Variants in PSD3 observed in about 807,000 individuals in gnomAD.
The protein encoded by PSD3 is PH and SEC7 domain-containing protein 3.
A neutral mutation model predicts 105.5 loss-of-function variants in PSD3; 49 were observed. The ratio of observed to expected loss-of-function variants is 0.46; its 90% CI spans 0.37 to 0.59. PSD3 has a LOEUF of 0.59. PSD3 is among the 20% of genes least tolerant of loss of function. PSD3 has a pLI of 0.00. For missense variants in PSD3, 1,561 were observed against 1,263.8 expected (o/e 1.24, Z -3.57); for synonymous variants, 557 against 457.8 (o/e 1.22, Z -2.77).
At chr8:18,847,123 C>A (rs924991035) in intron 4 of PSD3, among the ~76,000 whole-genome samples, 1 of 152,130 alleles carries the variant, frequency 6.6e-6, no homozygotes, top group African/African-American at 2.4e-5. Context: ...GCTGCTGAGG[C>A]GCACACTTCT....
chr8:18,739,832 G>T (rs560716877), intron 9 of PSD3, among the ~76,000 whole-genome samples: 25 of 152,158 alleles, frequency 1.6e-4, no homozygotes, highest in African/African-American at 5.8e-4. Flanking sequence ...TGGCTTTCTG[G>T]CTAAGATCAA....
chr8:18,551,356 C>T (rs1264605159), intron 15 of PSD3, among the ~76,000 whole-genome samples: 1 of 152,180 alleles, frequency 6.6e-6, no homozygotes, highest in Admixed American at 6.5e-5. Context: ...TTTATATTAT[C>T]TGTGCTTCCA....
At chr8:19,066,014 T>A (rs764366624) in intron 1 of PSD3, among the ~76,000 whole-genome samples, 1 of 152,242 alleles carries the variant, frequency 6.6e-6, no homozygotes, top group Non-Finnish European at 1.5e-5. Context: ...GGGAAATGGG[T>A]TTGAATACCA....
chr8:18,772,974 C>A (rs1807685799), intron 8 of PSD3, among the ~76,000 whole-genome samples: 1 of 152,134 alleles, frequency 6.6e-6, no homozygotes, highest in Non-Finnish European at 1.5e-5. Context: ...TTATTCTATT[C>A]TGTAGGTTGC....
At chr8:18,698,287 T>A (rs949677607) in intron 9 of PSD3, among the ~76,000 whole-genome samples, 29 of 152,138 alleles carry the variant, frequency 1.9e-4, no homozygotes, top group African/African-American at 3.9e-4. Flanking sequence ...TTTAATTTTT[T>A]AAAAAAATTT....
intron 2 of PSD3, among the ~76,000 whole-genome samples, chr8:18,926,207 T>C (rs1165555523): frequency 4.0e-5 from 6 of 151,842 alleles, no homozygotes; most frequent in Non-Finnish European, 8.8e-5. Context: ...GGAATGAGGG[T>C]GATGCCACAC....
chr8:18,693,216 A>G (rs1201053107), intron 9 of PSD3, among the ~76,000 whole-genome samples: 1 of 152,168 alleles, frequency 6.6e-6, no homozygotes, highest in African/African-American at 2.4e-5. Flanking sequence ...CCAGCTTGAC[A>G]CATACGACCT....
At chr8:18,608,988 CT>C (rs950764399) in intron 11 of PSD3, among the ~76,000 whole-genome samples, 1 of 152,102 alleles carries the variant, frequency 6.6e-6, no homozygotes, top group East Asian at 1.9e-4. Context: ...CCCTGATCAT[CT>C]TTTTTTTCCT....
In PSD3 at chr8:18,936,439, ATTAAC is replaced by A. The variant is rs562509975; in HGVS notation, c.22-302_22-298del. ...CTGAATTATGGTCGGTTTTTAAAAAATTAACTTAATGTAACTTTTCTGCAATTAGA... is the reference window on the plus strand; with the variant it reads ...CTGAATTATGGTCGGTTTTTAAAAAATTAATGTAACTTTTCTGCAATTAGA... On this transcript the variant is annotated intron_variant, in intron 1 of 15. Coordinates refer to ENST00000327040, the MANE Select transcript of PSD3 (RefSeq NM_015310.4). 2.8e-3 allele frequency among the ~76,000 whole-genome samples: 434 copies of A among 152,362 alleles called. 1 individual carries two copies. Among genetic ancestry groups the A allele is most frequent in the Non-Finnish European group, 5.1e-3 (347 of 68,040 alleles).
chr8:18,716,107 T>C (rs1802572871), intron 9 of PSD3, among the ~76,000 whole-genome samples: 1 of 152,160 alleles, frequency 6.6e-6, no homozygotes. Flanking sequence ...GGTCAGGCCA[T>C]GAGTGCAGAG....
At chr8:18,857,646 G>A (rs540215118) in intron 4 of PSD3, among the ~76,000 whole-genome samples, 3 of 152,156 alleles carry the variant, frequency 2.0e-5, no homozygotes, top group Admixed American at 6.5e-5. Flanking sequence ...ATGGACCACC[G>A]TTGTAGACCA....
chr8:18,710,060 G>A lies in PSD3; in HGVS notation c.2173-54375C>T, dbSNP rs200975015. Among the ~76,000 whole-genome samples the A allele has an allele frequency of 6.6e-5, 10 of 152,242 alleles. No individual in the cohort carries two copies. The East Asian group carries it at 1.4e-3, about 21-fold the overall frequency. ...ACAAGCTTTGCTGAGCTAAAGGAGT[G>A]GGTTCTAACCCAATTCAAAGCGGCT... On this transcript the variant is annotated intron_variant, in intron 9 of 15. Transcript: ENST00000327040.
chr8:18,701,897 A>G (rs1000615078), intron 9 of PSD3, among the ~76,000 whole-genome samples: 2 of 152,262 alleles, frequency 1.3e-5, no homozygotes, highest in African/African-American at 4.8e-5. Flanking sequence ...ACATGAAAAT[A>G]TCACTGGTGT....
chr8:18,908,838 C>T (rs1365540825), intron 2 of PSD3, among the ~76,000 whole-genome samples: 1 of 152,128 alleles, frequency 6.6e-6, no homozygotes, highest in Non-Finnish European at 1.5e-5. Context: ...ATTAGTTAAA[C>T]GTCATTATTT....
chr8:19,051,851 C>T (rs961917183), intron 1 of PSD3, among the ~76,000 whole-genome samples: 4 of 152,212 alleles, frequency 2.6e-5, no homozygotes, highest in African/African-American at 9.6e-5. Flanking sequence ...AAATTACAGT[C>T]TACAGGAGTA....
At chr8:18,714,678 G>A (rs763008511) in intron 9 of PSD3, among the ~76,000 whole-genome samples, 3 of 152,208 alleles carry the variant, frequency 2.0e-5, no homozygotes, top group Non-Finnish European at 2.9e-5. Context: ...TTACGCTGCT[G>A]GTAGGAATGT....
chr8:18,981,874 G>A (rs909225019), intron 1 of PSD3, among the ~76,000 whole-genome samples: 13 of 152,216 alleles, frequency 8.5e-5, no homozygotes, highest in African/African-American at 3.1e-4. Flanking sequence ...ACTGATGGCT[G>A]CTGACTGATC....
At chr8:18,783,380 C>G (rs1374070248) in intron 8 of PSD3, among the ~76,000 whole-genome samples, 1 of 152,080 alleles carries the variant, frequency 6.6e-6, no homozygotes, top group Non-Finnish European at 1.5e-5. Flanking sequence ...CAACTTTTGT[C>G]AGTTGTTGAT....
At chr8:18,861,828 G>A (rs558003945) in intron 4 of PSD3, among the ~76,000 whole-genome samples, 33 of 152,070 alleles carry the variant, frequency 2.2e-4, no homozygotes, top group African/African-American at 7.2e-4. Flanking sequence ...GGTTGATAAG[G>A]CTATTTCCAT....
Sources: gnomAD v4.1 joint callset for allele counts (sites outside exome capture counted in the v4.1 genomes callset) on GRCh38, gnomAD v4.1.1 for gene constraint, MANE v1.5 for transcripts, NCBI Gene and HGNC (gene_info 2026-07-23, HGNC 2026-07-21) for gene names.